NLRP5: variants seen among roughly 807,000 people sequenced by gnomAD.
The protein encoded by NLRP5 is NACHT, LRR and PYD domains-containing protein 5.
Under a neutral mutation model 113.1 loss-of-function variants are expected in NLRP5, and 93 were observed. The ratio of observed to expected loss-of-function variants is 0.82; its 90% CI spans 0.70 to 0.98. The LOEUF is 0.98. NLRP5 is among the 50% of genes least tolerant of loss of function. The pLI is 0.00. For missense variants in NLRP5, 1,808 were observed against 1,514.3 expected, an observed-to-expected ratio of 1.19 and a Z score of -3.22; for synonymous variants, 751 against 600.7, an observed-to-expected ratio of 1.25 and a Z score of -3.66.
intron 3 of NLRP5, among the ~76,000 whole-genome samples, chr19:56,015,191 CGTTTT>C (rs971986645): frequency 3.3e-5 from 5 of 151,874 alleles, no homozygotes; most frequent in Admixed American, 3.3e-4. Flanking sequence ...GTTTTGTTTT[CGTTTT>C]GTTTTGTTTG....
chr19:56,028,500 T>G lies in NLRP5; in HGVS notation c.2267T>G (p.Val756Gly). 2 of 1,613,210 alleles carry G rather than the reference T, an allele frequency of 1.2e-6. No homozygotes were observed. The highest frequency in any genetic ancestry group is 1.7e-6 in the Non-Finnish European group (2 of 1,179,706). The change falls in exon 7 of 15, where the codon GTC becomes GGC. Residue 756 changes from valine to glycine, a missense_variant. Physicochemically the swap from Val to Gly is moderately radical, Grantham distance 109. Transcript: ENST00000390649. Reference sequence around the variant, plus strand: ...GAGTCCGCTGAGGCATGTCCTGTGGTCCCTCTATGGTGAGTACCCCAGGCA... The same window carrying G: ...GAGTCCGCTGAGGCATGTCCTGTGGGCCCTCTATGGTGAGTACCCCAGGCA...
intron 11 of NLRP5, among the ~76,000 whole-genome samples, chr19:56,049,342 A>G (rs1392885640): frequency 1.3e-5 from 2 of 151,694 alleles, no homozygotes; most frequent in Non-Finnish European, 2.9e-5. Flanking sequence ...ACCACGCCCA[A>G]CTAATTTTTT....
At chr19:55,991,959 C>A in the NLRP5 span, among the ~76,000 whole-genome samples, 1 of 152,056 alleles carries the variant, frequency 6.6e-6, no homozygotes, top group African/African-American at 2.4e-5. Flanking sequence ...CATACTATTT[C>A]CTCACCCAGG....
intron 10 of NLRP5, among the ~76,000 whole-genome samples, chr19:56,039,637 G>A (rs1049450298): frequency 6.6e-6 from 1 of 152,208 alleles, no homozygotes; most frequent in African/African-American, 2.4e-5. Flanking sequence ...AAATGGCCAG[G>A]TGTGGTGGCT....
chr19:55,992,284 G>C, the NLRP5 span, among the ~76,000 whole-genome samples: 3 of 152,082 alleles, frequency 2.0e-5, no homozygotes, highest in Non-Finnish European at 4.4e-5. Flanking sequence ...GGGCATTTAG[G>C]TTGACTCCAT....
intron 14 of NLRP5, among the ~76,000 whole-genome samples, chr19:56,060,355 C>A (rs560416841): frequency 6.6e-6 from 1 of 152,136 alleles, no homozygotes; most frequent in African/African-American, 2.4e-5. Context: ...TTGTCCATCC[C>A]TATATGAGAA....
chr19:56,015,181 G>A (rs1255481270), intron 3 of NLRP5, among the ~76,000 whole-genome samples: 5 of 152,120 alleles, frequency 3.3e-5, no homozygotes, highest in African/African-American at 1.2e-4. Context: ...TGGAGTGTTT[G>A]TTTTGTTTTC....
Position 56,061,668 on chromosome 19 carries a change from G to A in NLRP5, c.*140G>A, listed in dbSNP as rs1984360517. 4 of 954,414 alleles carry A rather than the reference G, an allele frequency of 4.2e-6. No individual in the cohort carries two copies. The Admixed American group carries it at 8.6e-5, about 21-fold the overall frequency. 59.1% of individuals were successfully genotyped at this position (954,414 alleles called of 1,614,324 possible). ...GATTCTCACAAAGCCCTCAATGGTAGTGATTCTTCTGTGTTCACTCTACGT... is the reference window on the plus strand; with the variant it reads ...GATTCTCACAAAGCCCTCAATGGTAATGATTCTTCTGTGTTCACTCTACGT... On this transcript the variant is annotated 3_prime_UTR_variant, in exon 15 of 15. Transcript: ENST00000390649.
chr19:56,019,077 C>G (rs563240399), intron 4 of NLRP5, among the ~76,000 whole-genome samples: 1 of 151,974 alleles, frequency 6.6e-6, no homozygotes, highest in Non-Finnish European at 1.5e-5. Flanking sequence ...ATTACAGGTG[C>G]GAACGACCAC....
rs777464797 is a variant in NLRP5, at chr19:56,008,822, T to G, written c.477T>G (p.Thr159=). The change falls in exon 3 of 15, where the codon ACT becomes ACG. Residue 159 remains threonine, a synonymous_variant. Coordinates refer to ENST00000390649, the MANE Select transcript of NLRP5 (RefSeq NM_153447.4). ...CAGAAGATCCTGAAGCAACGATGACTGACCAAGGACCAAGCAAGGAAAAAG... is the reference window on the plus strand; with the variant it reads ...CAGAAGATCCTGAAGCAACGATGACGGACCAAGGACCAAGCAAGGAAAAAG... 1 of 1,612,554 alleles carries G rather than the reference T, an allele frequency of 6.2e-7. No individual in the cohort carries two copies. Among genetic ancestry groups the G allele is most frequent in the Non-Finnish European group, 8.5e-7 (1 of 1,179,332 alleles).
intron 4 of NLRP5, among the ~76,000 whole-genome samples, chr19:56,016,952 G>A (rs1267550431): frequency 3.9e-5 from 6 of 152,124 alleles, no homozygotes; most frequent in Non-Finnish European, 4.4e-5. Flanking sequence ...GGGATTACAG[G>A]CATGCGCCAC....
chr19:56,029,558 GC>G (rs1983012393), intron 7 of NLRP5, among the ~76,000 whole-genome samples: 1 of 152,096 alleles, frequency 6.6e-6, no homozygotes, highest in Admixed American at 6.5e-5. Flanking sequence ...AAGCTGCTGT[GC>G]CCGGCCTCAT....
At chr19:56,008,368 T>C (rs1982032567) in intron 2 of NLRP5, among the ~76,000 whole-genome samples, 3 of 151,942 alleles carry the variant, frequency 2.0e-5, no homozygotes, top group Non-Finnish European at 1.5e-5. Flanking sequence ...AAAAGTAGAT[T>C]GGGGGATGGG....
Position 56,007,900 on chromosome 19 carries a change from C to CGTGT in NLRP5, c.443-885_443-884insTGTG, listed in dbSNP as rs1417229600. ...GTGTGTGTGTGTGTGCGCGTGCGCG[C>CGTGT]GTGCGTGTGTGTGTGTGTGTGTGTG... On this transcript the variant is annotated intron_variant, in intron 2 of 14. Transcript: ENST00000390649. Among the ~76,000 whole-genome samples the CGTGT allele has an allele frequency of 1.6e-4, 13 of 79,424 alleles. 1 individual carries two copies. The highest frequency in any genetic ancestry group is 7.9e-4 in the African/African-American group (13 of 16,542). 52.1% of individuals were successfully genotyped at this position (79,424 alleles called of 152,430 possible).
intron 10 of NLRP5, among the ~76,000 whole-genome samples, chr19:56,039,119 G>A (rs938876369): frequency 6.7e-6 from 1 of 148,834 alleles, no homozygotes; most frequent in Non-Finnish European, 1.5e-5. Context: ...CTCAAAACAG[G>A]TCTACGGAGC....
intron 5 of NLRP5, among the ~76,000 whole-genome samples, chr19:56,020,155 G>A (rs1982562066): frequency 1.3e-5 from 2 of 151,822 alleles, no homozygotes; most frequent in African/African-American, 2.4e-5. Context: ...AATAACTTGT[G>A]CAAGTCTCTT....
At chr19:56,043,276 T>C (rs953484508) in intron 11 of NLRP5, among the ~76,000 whole-genome samples, 13 of 152,160 alleles carry the variant, frequency 8.5e-5, no homozygotes, top group Admixed American at 1.3e-4. Context: ...CTACTGTTTT[T>C]TTATGTTTTG....
At chr19:56,059,923 A>G (rs1237818537) in intron 14 of NLRP5, among the ~76,000 whole-genome samples, 1 of 152,196 alleles carries the variant, frequency 6.6e-6, no homozygotes, top group Admixed American at 6.5e-5. Flanking sequence ...TCCAGGGTTC[A>G]AGTTATGGCA....
chr19:56,047,903 C>G (rs191038), intron 11 of NLRP5, among the ~76,000 whole-genome samples: 98,352 of 151,896 alleles, frequency 0.65, 32,424 homozygotes, highest in Non-Finnish European at 0.7. Context: ...TTTAGGACCT[C>G]CAGTGTTAGG....
Sources: gnomAD v4.1 joint callset for allele counts (sites outside exome capture counted in the v4.1 genomes callset) on GRCh38, gnomAD v4.1.1 for gene constraint, MANE v1.5 for transcripts, NCBI Gene and HGNC (gene_info 2026-07-23, HGNC 2026-07-21) for gene names.